The following HMCN2 variants were observed in gnomAD, a reference collection of about 807,000 sequenced individuals.
The protein encoded by HMCN2 is hemicentin-2.
HMCN2 carries 325 observed loss-of-function variants against 377.5 expected under a neutral mutation model. The observed-to-expected ratio is 0.86, with a 90% CI of 0.79 to 0.94. The LOEUF is 0.94. HMCN2 is among the 40% of genes least tolerant of loss of function. The pLI is 0.00. For missense variants in HMCN2, 4,543 were observed against 4,725.3 expected (o/e 0.96, Z 1.13); for synonymous variants, 2,007 against 2,046.8 (o/e 0.98, Z 0.53).
Position 130,347,007 on chromosome 9 carries a change from G to C in HMCN2, c.3830-159G>C, listed in dbSNP as rs986733470. ...CGGGTGTGGGGGCTCCCACGGCTCC[G>C]AGGGAAATGCTCCTTCCAGCCTCGG... On this transcript the variant is annotated intron_variant, in intron 25 of 97. Transcript: ENST00000683500. This position sits in a 1 kb window ranked among gnomAD's most constrained non-coding sequence, Gnocchi z 5.1. 3.3e-5 allele frequency among the ~76,000 whole-genome samples: 5 copies of C among 152,152 alleles called. No individual in the cohort carries two copies. The highest frequency in any genetic ancestry group is 1.2e-4 in the African/African-American group (5 of 41,426).
At chr9:130,340,359 G>C (rs1838980974) in intron 23 of HMCN2, among the ~76,000 whole-genome samples, 3 of 152,208 alleles carry the variant, frequency 2.0e-5, no homozygotes. Context: ...GGGAACTGAG[G>C]CTCTGGCTGG....
chr9:130,279,483 G>T (rs192740362), intron 1 of HMCN2, among the ~76,000 whole-genome samples: 18 of 152,164 alleles, frequency 1.2e-4, no homozygotes, highest in African/African-American at 3.6e-4. Context: ...CTTTTGAGTA[G>T]CTGGGATTAC....
chr9:130,270,769 G>A (rs1477197394), intron 1 of HMCN2, among the ~76,000 whole-genome samples: 2 of 148,476 alleles, frequency 1.3e-5, no homozygotes, highest in Non-Finnish European at 3.0e-5. Context: ...GTAGAGATGG[G>A]GTCTTGCTAT....
rs964045799 is a variant in HMCN2, at chr9:130,428,312, C to A, written c.14066-46C>A. 1.1e-5 allele frequency: 17 copies of A among 1,488,936 alleles called. No homozygotes were observed. Among genetic ancestry groups the A allele is most frequent in the Non-Finnish European group, 1.5e-5 (17 of 1,112,910 alleles). The allele number at this position is 1,488,936 out of a possible 1,614,324, so 92.2% of individuals were successfully genotyped here. A position where few individuals can be genotyped will look rare whatever the true frequency, so the allele number is the denominator to read the frequency against. ...GGCCAGGGTCAGGTGGCGAGGCACG[C>A]CTGGGGATCATGTTCACACAGCCGT... is the stretch of plus-strand genomic sequence containing the variant. On this transcript the variant is annotated intron_variant, in intron 92 of 97. Transcript: ENST00000683500. This position sits in a 1 kb window ranked among gnomAD's most constrained non-coding sequence, Gnocchi z 5.0.
intron 54 of HMCN2, among the ~76,000 whole-genome samples, chr9:130,381,319 C>A (rs1564836532): frequency 6.6e-6 from 1 of 152,152 alleles, no homozygotes; most frequent in Admixed American, 6.5e-5. Context: ...TAACCAGGCC[C>A]CCACTGGAGA....
intron 46 of HMCN2, 62 bp from the exon 47 acceptor site, chr9:130,372,232 C>A (rs1028846814): frequency 1.2e-5 from 7 of 582,386 alleles, no homozygotes; most frequent in Non-Finnish European, 1.3e-5. Context: ...CAGCAGGGGG[C>A]TCGGCTTGGG....
At chr9:130,392,819 AC>A (rs1564848140) in intron 66 of HMCN2, among the ~76,000 whole-genome samples, 2 of 151,772 alleles carry the variant, frequency 1.3e-5, no homozygotes, top group Non-Finnish European at 2.9e-5. Flanking sequence ...ACACGGTGAA[AC>A]CCCGTCTCTA....
rs1286731207 is a variant in HMCN2, at chr9:130,381,510, A to G, written c.8432-674A>G. 3.3e-5 allele frequency among the ~76,000 whole-genome samples: 5 copies of G among 152,122 alleles called. No individual in the cohort carries two copies. The South Asian group carries it at 1.0e-3, about 31-fold the overall frequency. On this transcript the variant is annotated intron_variant, in intron 54 of 97. Transcript: ENST00000683500. Reference sequence around the variant, plus strand: ...CAGCCTTCTGAGTAGCTAGGATTGCAGGTGTGCACCACCACACCCGGGGAA... The same window carrying G: ...CAGCCTTCTGAGTAGCTAGGATTGCGGGTGTGCACCACCACACCCGGGGAA...
intron 19 of HMCN2, among the ~76,000 whole-genome samples, chr9:130,325,285 G>A (rs1389497434): frequency 2.0e-5 from 3 of 151,136 alleles, no homozygotes; most frequent in South Asian, 4.2e-4. Flanking sequence ...TAGTAGAGGC[G>A]GAGTTTCACC....
At chr9:130,424,716 C>T (rs1418445817) in intron 87 of HMCN2, 60 bp from the exon 88 acceptor site, 5 of 1,443,222 alleles carry the variant, frequency 3.5e-6, no homozygotes, top group Non-Finnish European at 4.6e-6. Context: ...GGACCTTGAA[C>T]AGGAGGTGGC....
In HMCN2 at chr9:130,304,788, C is replaced by T. The variant is rs782284030; in HGVS notation, c.1602C>T (p.Ala534=). Reference sequence around the variant, plus strand: ...TGACCGTGTCCCCAGGGGAGACTGCCGTCCTATCCTGCCGGGTCCTAGGCG... The same window carrying T: ...TGACCGTGTCCCCAGGGGAGACTGCTGTCCTATCCTGCCGGGTCCTAGGCG... The part of the protein sequence containing the change: ...PNVTVSPGET[A]VLSCRVLGEA... The change falls in exon 11 of 98, where the codon GCC becomes GCT. Residue 534 remains alanine, a synonymous_variant. Transcript: ENST00000683500. This position sits in a 1 kb window ranked among gnomAD's most constrained non-coding sequence, Gnocchi z 4.3. 8.5e-6 allele frequency: 4 copies of T among 471,118 alleles called. No homozygotes were observed. The highest frequency in any genetic ancestry group is 3.1e-5 in the South Asian group (2 of 64,554). The allele number at this position is 471,118 out of a possible 1,614,324, so 29.2% of individuals were successfully genotyped here. A position where few individuals can be genotyped will look rare whatever the true frequency, so the allele number is the denominator to read the frequency against.
chr9:130,356,138 C>A lies in HMCN2; in HGVS notation c.5306C>A (p.Ala1769Asp), dbSNP rs919574488. ...GAGGAGCTGGCTGGGGTGCAGGTGG[C>A]CTCGCAGGGGACCACACTGCACATT... ...PAEELAGVQVASQGTTLHIDH... is the reference protein window; with the variant it reads ...PAEELAGVQVDSQGTTLHIDH... Residue 1769 changes from alanine (A) to aspartate (D), a missense_variant, in exon 34 of 98, where the codon GCC (alanine) becomes GAC (aspartate). This residue lies in a region of HMCN2 where 1,032 missense variants were observed against 1,285.1 expected (regional missense o/e 0.80). Coordinates refer to ENST00000683500, the MANE Select transcript of HMCN2 (RefSeq NM_001291815.2). The A allele has an allele frequency of 2.3e-6, 3 of 1,301,300 alleles. No individual in the cohort carries two copies. The South Asian group carries it at 3.7e-5, about 16-fold the overall frequency. The allele number at this position is 1,301,300 out of a possible 1,614,324, so 80.6% of individuals were successfully genotyped here.
At chr9:130,372,192 C>A in intron 46 of HMCN2, 102 bp from the exon 47 acceptor site, 1 of 213,886 alleles carries the variant, frequency 4.7e-6, no homozygotes. Flanking sequence ...GACATGTACA[C>A]GCCTAATTAT....
In HMCN2 at chr9:130,299,086, G is replaced by T; in HGVS notation, c.1074G>T (p.Ser358=). 1 of 471,078 alleles carries T rather than the reference G, an allele frequency of 2.1e-6. No homozygotes were observed. The highest frequency in any genetic ancestry group is 4.4e-6 in the Non-Finnish European group (1 of 226,998). The allele number at this position is 471,078 out of a possible 1,614,324, so 29.2% of individuals were successfully genotyped here. The part of the protein sequence containing the change: ...TGLKAPGRLD[S]VELAQSSGKP... ...TGAAGGCACCCGGCCGCCTAGACTC[G>T]GTGGAGCTGGCACAAAGCTCAGGGA... The change falls in exon 8 of 98, where the codon TCG becomes TCT. Residue 358 remains serine (S), a synonymous_variant. Transcript: ENST00000683500.
intron 75 of HMCN2, among the ~76,000 whole-genome samples, chr9:130,399,123 G>A (rs1259239165): frequency 1.3e-5 from 2 of 151,542 alleles, no homozygotes. Context: ...TATGGTGGTG[G>A]GTGTCTGTGG....
In HMCN2 at chr9:130,368,327, G is replaced by C; in HGVS notation, c.6677G>C (p.Gly2226Ala). The change falls in exon 44 of 98, where the codon GGG (glycine) becomes GCG (alanine). Residue 2226 changes from glycine to alanine, a missense_variant. Gly to Ala is a moderately conservative substitution (Grantham distance 60, BLOSUM62 0). This residue lies in a region of HMCN2 where 1,032 missense variants were observed against 1,285.1 expected (regional missense o/e 0.80). Coordinates refer to ENST00000683500, the MANE Select transcript of HMCN2 (RefSeq NM_001291815.2). Reference sequence around the variant, plus strand: ...GGCCTCCAGCACGTGTCGGCTGTGGGGAGGCTGTTGTACCTGGGACAGGCC... The same window carrying C: ...GGCCTCCAGCACGTGTCGGCTGTGGCGAGGCTGTTGTACCTGGGACAGGCC... ...GAGLQHVSAV[G>A]RLLYLGQAQL... The C allele has an allele frequency of 1.0e-6, 1 of 985,778 alleles. No homozygotes were observed. The highest frequency in any genetic ancestry group is 1.2e-6 in the Non-Finnish European group (1 of 829,922). The allele number at this position is 985,778 out of a possible 1,614,324, so 61.1% of individuals were successfully genotyped here.
In HMCN2 at chr9:130,371,118, C is replaced by G; in HGVS notation, c.7224C>G (p.Thr2408=). 1 of 985,904 alleles carries G rather than the reference C, an allele frequency of 1.0e-6. No homozygotes were observed. Among genetic ancestry groups the G allele is most frequent in the Non-Finnish European group, 1.2e-6 (1 of 829,984 alleles). 61.1% of individuals were successfully genotyped at this position (985,904 alleles called of 1,614,324 possible). A position where few individuals can be genotyped will look rare whatever the true frequency, so the allele number is the denominator to read the frequency against. ...GEEPVSPGED[T]YLLAGGWMLK... is the part of the protein sequence containing the mutation. ...AGCCTGTCAGCCCCGGGGAGGACAC[C>G]TACCTGCTGGCAGGTAAGATACCAG... Residue 2408 remains threonine (T), a synonymous_variant, in exon 46 of 98, where the codon ACC becomes ACG. Coordinates refer to ENST00000683500, the MANE Select transcript of HMCN2 (RefSeq NM_001291815.2).
chr9:130,431,063 G>C lies in HMCN2; in HGVS notation c.14648-304G>C, dbSNP rs1042741167. On this transcript the variant is annotated intron_variant, in intron 95 of 97. Transcript: ENST00000683500. Reference sequence around the variant, plus strand: ...GGACCCTGCAGAGAGGGACAAAGAGGAGGTGGCCTGCCCCAGGGCTGATGC... The same window carrying C: ...GGACCCTGCAGAGAGGGACAAAGAGCAGGTGGCCTGCCCCAGGGCTGATGC... 6 of 505,230 alleles carry C rather than the reference G, an allele frequency of 1.2e-5. No homozygotes were observed. The Admixed American group carries it at 1.4e-4, about 12-fold the overall frequency. The allele number at this position is 505,230 out of a possible 1,614,324, so 31.3% of individuals were successfully genotyped here. A position where few individuals can be genotyped will look rare whatever the true frequency, so the allele number is the denominator to read the frequency against.
chr9:130,370,805 T>C (rs555127824), intron 45 of HMCN2, among the ~76,000 whole-genome samples, 159 bp from the exon 46 acceptor site: 467 of 152,270 alleles, frequency 3.1e-3, no homozygotes, highest in African/African-American at 0.011. Flanking sequence ...CCCTCCTAGG[T>C]GTCCTCACTT....
Sources: gnomAD v4.1 joint callset for allele counts (sites outside exome capture counted in the v4.1 genomes callset) on GRCh38, gnomAD v4.1.1 for gene constraint, gnomAD v4.1.1 regional missense constraint, Gnocchi (gnomAD v3.1) non-coding constraint, MANE v1.5 for transcripts, NCBI Gene and HGNC (gene_info 2026-07-23, HGNC 2026-07-21) for gene names.